The following PYY variants were observed in gnomAD, a reference collection of about 807,000 sequenced individuals.
The protein encoded by PYY is peptide YY.
In PYY, 12 loss-of-function variants were observed where a neutral mutation model predicts 10.3. The observed-to-expected ratio is 1.17, with a 90% CI of 0.75 to 1.89. The LOEUF is 1.89. Ranked by LOEUF, PYY falls within the 40% of genes most tolerant of loss-of-function variation. PYY has a pLI of 0.00. For synonymous variants in PYY, 66 were observed against 62.0 expected, an observed-to-expected ratio of 1.06 and a Z score of -0.30; for missense variants, 141 against 134.0, an observed-to-expected ratio of 1.05 and a Z score of -0.26.
intron 1 of PYY, among the ~76,000 whole-genome samples, chr17:43,992,387 C>T (rs2048963197): frequency 6.6e-6 from 1 of 152,036 alleles, no homozygotes; most frequent in Non-Finnish European, 1.5e-5. Context: ...TCGAGACCAG[C>T]TTGGCCAACA....
intron 1 of PYY, among the ~76,000 whole-genome samples, chr17:43,973,029 C>T (rs367696019): frequency 4.0e-5 from 6 of 151,886 alleles, no homozygotes; most frequent in Admixed American, 2.6e-4. Flanking sequence ...TGTTGAGACA[C>T]GATCTCACTA....
intron 1 of PYY, among the ~76,000 whole-genome samples, chr17:43,969,785 C>A (rs2048777635): frequency 1.3e-5 from 2 of 151,274 alleles, no homozygotes; most frequent in African/African-American, 4.9e-5. Flanking sequence ...GCTCTGTCAC[C>A]CAGACTGGAG....
rs747130528 is a variant in PYY, at chr17:43,990,794, GT to G, written c.-463+13596del. Among the ~76,000 whole-genome samples, 933 of 123,690 alleles carry G rather than the reference GT, an allele frequency of 7.5e-3. 7 individuals carry two copies. The highest frequency in any genetic ancestry group is 0.022 in the African/African-American group (746 of 34,586). The allele number at this position is 123,690 out of a possible 152,430, so 81.1% of individuals were successfully genotyped here. A position where few individuals can be genotyped will look rare whatever the true frequency, so the allele number is the denominator to read the frequency against. On this transcript the variant is annotated intron_variant, in intron 1 of 6. Coordinates refer to the PYY transcript ENST00000360085. ...ATATGAGAAACTAGGATTTAATGTT[GT>G]TTTTTTTTTTTTTTTTTGAGACAGA...
chr17:43,980,324 C>T (rs1198504449), intron 1 of PYY, among the ~76,000 whole-genome samples: 4 of 151,626 alleles, frequency 2.6e-5, no homozygotes, highest in East Asian at 1.9e-4. Flanking sequence ...CCACCATGCC[C>T]GGCTAATTTT....
chr17:43,953,625 T>C, intron 1 of PYY, 142 bp from the exon 2 acceptor site: 1 of 789,636 alleles, frequency 1.3e-6, no homozygotes, highest in Non-Finnish European at 1.9e-6. Flanking sequence ...GCTTGCTGTG[T>C]GTTCTTGGGC....
At chr17:43,960,831 T>C (rs2048707613) in intron 2 of PYY, among the ~76,000 whole-genome samples, 2 of 138,304 alleles carry the variant, frequency 1.4e-5, no homozygotes, top group Admixed American at 7.9e-5. Flanking sequence ...ACCTGGGTGA[T>C]AGAGTAAGAC....
intron 1 of PYY, among the ~76,000 whole-genome samples, chr17:43,994,997 G>C (rs778380071): frequency 3.9e-5 from 6 of 152,180 alleles, no homozygotes; most frequent in African/African-American, 1.4e-4. Flanking sequence ...GTCCCCGCAG[G>C]GCAGGCGGAC....
chr17:43,982,095 T>G (rs1001409442), intron 1 of PYY, among the ~76,000 whole-genome samples: 1 of 152,208 alleles, frequency 6.6e-6, no homozygotes, highest in Non-Finnish European at 1.5e-5. Flanking sequence ...TTCTTAGCTC[T>G]GCGCAGCTCT....
chr17:43,983,620 A>G (rs1412111423), intron 1 of PYY, among the ~76,000 whole-genome samples: 3 of 152,216 alleles, frequency 2.0e-5, no homozygotes, highest in Non-Finnish European at 4.4e-5. Flanking sequence ...TCATAGGCAT[A>G]GCCCCTCAGA....
chr17:43,960,861 A>AC (rs914294600), intron 2 of PYY, among the ~76,000 whole-genome samples: 22 of 151,602 alleles, frequency 1.5e-4, no homozygotes, highest in African/African-American at 5.1e-4. Context: ...AAAAAAAAAA[A>AC]AACGGTGTTC....
intron 1 of PYY, among the ~76,000 whole-genome samples, chr17:43,982,045 C>T (rs1367595420): frequency 6.6e-6 from 1 of 152,188 alleles, no homozygotes; most frequent in Non-Finnish European, 1.5e-5. Flanking sequence ...ATATATGCAT[C>T]CTCCTAGCAA....
chr17:43,996,922 C>G (rs1259747963), intron 1 of PYY, among the ~76,000 whole-genome samples: 1 of 152,076 alleles, frequency 6.6e-6, no homozygotes, highest in Non-Finnish European at 1.5e-5. Flanking sequence ...TTCCTGAGCT[C>G]AAGCAATGTA....
rs902694470 is a variant in PYY, at chr17:44,003,666, CAAACAAAAAA to C, written c.-463+715_-463+724del. Among the ~76,000 whole-genome samples the C allele has an allele frequency of 2.1e-4, 12 of 57,912 alleles. No individual in the cohort carries two copies. The South Asian group carries it at 3.8e-3, about 18-fold the overall frequency. 38.0% of individuals were successfully genotyped at this position (57,912 alleles called of 152,430 possible). On this transcript the variant is annotated intron_variant, in intron 1 of 6. Transcript: ENST00000360085. ...TGGGACTCCATCTCAAACAAACAAA[CAAACAAAAAA>C]AAAAAAAAAAAAAAGGGTTACAGAG...
chr17:43,974,139 C>G (rs562925753), intron 1 of PYY, among the ~76,000 whole-genome samples: 2 of 152,136 alleles, frequency 1.3e-5, no homozygotes, highest in East Asian at 3.9e-4. Context: ...ATATCATTTG[C>G]TTATTATATC....
At chr17:43,982,537 A>G (rs1281861802) in intron 1 of PYY, among the ~76,000 whole-genome samples, 2 of 152,262 alleles carry the variant, frequency 1.3e-5, no homozygotes, top group African/African-American at 4.8e-5. Flanking sequence ...GCTTACAGGC[A>G]GAGTCAGGCA....
intron 1 of PYY, among the ~76,000 whole-genome samples, chr17:43,975,071 G>C (rs12600521): frequency 0.15 from 23,530 of 152,028 alleles, 2,828 homozygotes; most frequent in East Asian, 0.69. Flanking sequence ...ATCACCCCAT[G>C]TCTGCAGGAT....
chr17:43,953,389 T>A lies in PYY; in HGVS notation c.95A>T (p.Lys32Ile). 6.2e-7 allele frequency: 1 copy of A among 1,612,876 alleles called. No homozygotes were observed. Among genetic ancestry groups the A allele is most frequent in the South Asian group, 1.1e-5 (1 of 90,940 alleles). ...LGALVDAYPIKPEAPREDASP... is the reference protein window; with the variant it reads ...LGALVDAYPIIPEAPREDASP... ...GGCGTCTTCGCGGGGAGCCTCGGGT[T>A]TGATGGGGTAGGCGTCGACCAGCGC... The change falls in exon 2 of 4, where the codon AAA (lysine) becomes ATA (isoleucine). Residue 32 changes from lysine (K) to isoleucine (I), a missense_variant. Lys to Ile is a moderately radical substitution (Grantham distance 102, BLOSUM62 -3). Transcript: ENST00000692052.
intron 1 of PYY, among the ~76,000 whole-genome samples, chr17:43,995,680 A>G (rs1047046291): frequency 6.6e-6 from 1 of 151,966 alleles, no homozygotes; most frequent in Non-Finnish European, 1.5e-5. Flanking sequence ...CTAAAAATAC[A>G]AAAATTAGCC....
Position 43,953,455 on chromosome 17 carries a change from G to T in PYY, c.29C>A (p.Ala10Asp), listed in dbSNP as rs1385599242. The T allele has an allele frequency of 6.2e-7, 1 of 1,607,930 alleles. No homozygotes were observed. Among genetic ancestry groups the T allele is most frequent in the African/African-American group, 1.3e-5 (1 of 74,732 alleles). MVFVRRPWP[A>D]LTTVLLALLV... ...CAGGGCCAGAAGCACTGTGGTCAAGGCGGGCCACGGCCTGCGCACGAACAC... is the reference window on the plus strand; with the variant it reads ...CAGGGCCAGAAGCACTGTGGTCAAGTCGGGCCACGGCCTGCGCACGAACAC... Residue 10 changes from alanine (A) to aspartate (D), a missense_variant, in exon 2 of 4, where the codon GCC (alanine) becomes GAC (aspartate). Transcript: ENST00000692052.
Sources: gnomAD v4.1 joint callset for allele counts (sites outside exome capture counted in the v4.1 genomes callset) on GRCh38, gnomAD v4.1.1 for gene constraint, MANE v1.5 for transcripts, NCBI Gene and HGNC (gene_info 2026-07-23, HGNC 2026-07-21) for gene names.